The following RPTOR variants were observed in gnomAD, a reference collection of about 807,000 sequenced individuals.
The protein encoded by RPTOR is regulatory-associated protein of mTOR.
A neutral mutation model predicts 169.9 loss-of-function variants in RPTOR; 21 were observed. The ratio of observed to expected loss-of-function variants is 0.12; its 90% confidence interval spans 0.09 to 0.18. RPTOR has a LOEUF of 0.18. Among genes scored for constraint, RPTOR ranks in the 10% least tolerant of loss-of-function variants. RPTOR has a pLI of 1.00. For missense variants in RPTOR, 1,133 were observed against 1,855.9 expected (o/e 0.61, Z 7.16); for synonymous variants, 732 against 753.2 (o/e 0.97, Z 0.46).
intron 7 of RPTOR, among the ~76,000 whole-genome samples, chr17:80,806,466 G>A (rs978583252): frequency 2.0e-5 from 3 of 152,146 alleles, no homozygotes; most frequent in South Asian, 2.1e-4. Flanking sequence ...GACAGGGTAC[G>A]AACCTGTGAA....
At chr17:80,735,048 T>C (rs1002625104) in intron 5 of RPTOR, among the ~76,000 whole-genome samples, 5 of 152,130 alleles carry the variant, frequency 3.3e-5, no homozygotes, top group African/African-American at 1.2e-4. Context: ...CCTGTGGATA[T>C]TGAGGGATGA....
chr17:80,902,576 G>T (rs550405477), intron 20 of RPTOR, among the ~76,000 whole-genome samples: 1 of 152,318 alleles, frequency 6.6e-6, no homozygotes, highest in East Asian at 1.9e-4. Context: ...CACCTGTCCC[G>T]GCCCCCAGCC....
In RPTOR at chr17:80,942,814, G is replaced by A. The variant is rs970474967; in HGVS notation, c.3025+2213G>A. 3.9e-5 allele frequency among the ~76,000 whole-genome samples: 6 copies of A among 152,230 alleles called. No individual in the cohort carries two copies. In the East Asian group the frequency reaches 5.8e-4, roughly 15 times the overall value. The stretch of plus-strand genomic sequence containing the variant: ...CAGCCTTCTCCTGGGCAACATTCAC[G>A]ACCTTGGCTGTCACGCACTGATTTT... On this transcript the variant is annotated intron_variant, in intron 25 of 33. Coordinates refer to ENST00000306801, the MANE Select transcript of RPTOR (RefSeq NM_020761.3).
At chr17:80,807,647 C>T (rs541748634) in intron 7 of RPTOR, among the ~76,000 whole-genome samples, 59 of 152,220 alleles carry the variant, frequency 3.9e-4, no homozygotes, top group African/African-American at 1.3e-3. Context: ...CCACTGTGCC[C>T]GGCCAAGCCC....
chr17:80,674,910 A>C lies in RPTOR; in HGVS notation c.348+31100A>C, dbSNP rs541311662. 3.9e-5 allele frequency among the ~76,000 whole-genome samples: 6 copies of C among 152,258 alleles called. No homozygotes were observed. The South Asian group carries it at 1.0e-3, about 26-fold the overall frequency. ...CATCTTGGGATATGATCAAATATAC[A>C]CTAAGAATATGGAAATGAATCGTCC... is the stretch of plus-strand genomic sequence containing the variant. On this transcript the variant is annotated intron_variant, in intron 3 of 33. Coordinates refer to ENST00000306801, the MANE Select transcript of RPTOR (RefSeq NM_020761.3).
chr17:80,777,688 GA>G (rs1359336161), intron 6 of RPTOR, among the ~76,000 whole-genome samples: 1 of 152,210 alleles, frequency 6.6e-6, no homozygotes, highest in Non-Finnish European at 1.5e-5. Context: ...CCAAGGTTAT[GA>G]AGTTTGACGC....
intron 3 of RPTOR, among the ~76,000 whole-genome samples, chr17:80,676,982 T>C (rs1168781421): frequency 6.6e-6 from 1 of 152,082 alleles, no homozygotes; most frequent in Non-Finnish European, 1.5e-5. Flanking sequence ...AACCCAAACA[T>C]ATAGAAAGGT....
chr17:80,560,300 G>A (rs774119475), intron 1 of RPTOR, among the ~76,000 whole-genome samples: 1 of 152,216 alleles, frequency 6.6e-6, no homozygotes, highest in African/African-American at 2.4e-5. Context: ...GCGGGAGCAG[G>A]GCGGAGGATG....
intron 11 of RPTOR, 119 bp from the exon 12 acceptor site, chr17:80,855,345 C>G: frequency 1.4e-6 from 1 of 716,646 alleles, no homozygotes; most frequent in Admixed American, 2.2e-5. Flanking sequence ...GTAACTGAAG[C>G]AGCAGACAGA....
At chr17:80,961,005 TC>T in intron 30 of RPTOR, 1 of 226,182 alleles carries the variant, frequency 4.4e-6, no homozygotes, top group Non-Finnish European at 8.7e-6. Context: ...TTCCTGACCC[TC>T]CAGTCTGCAC....
rs139162593 is a variant in RPTOR, at chr17:80,729,863, G to A, written c.508-697G>A. ...GTGGGTCCATGGAGGGAGGCCCCGC[G>A]GCGGGAACTGAGGCAGCCATGGGGT... On this transcript the variant is annotated intron_variant, in intron 4 of 33. Coordinates refer to ENST00000306801, the MANE Select transcript of RPTOR (RefSeq NM_020761.3). 3.9e-3 allele frequency among the ~76,000 whole-genome samples: 595 copies of A among 152,166 alleles called. 6 individuals carry two copies. Among genetic ancestry groups the A allele is most frequent in the African/African-American group, 0.014 (576 of 41,488 alleles).
In RPTOR at chr17:80,963,010, G is replaced by A; in HGVS notation, c.3892G>A (p.Gly1298Ser). The change falls in exon 33 of 34, where the codon GGC becomes AGC. Residue 1298 changes from glycine to serine, a missense_variant. Physicochemically the swap from Gly to Ser is moderately conservative, Grantham distance 56 (BLOSUM62 0). Transcript: ENST00000306801. ...NNIKYYDGFM[G>S]QRVGAISCLA... ...CATCAAGTACTACGACGGCTTCATG[G>A]GCCAGCGGGTCGGCGCCATCAGCTG... The A allele has an allele frequency of 6.2e-7, 1 of 1,612,454 alleles. No individual in the cohort carries two copies. The highest frequency in any genetic ancestry group is 8.5e-7 in the Non-Finnish European group (1 of 1,179,606).
At chr17:80,705,286 G>A (rs998039636) in intron 3 of RPTOR, among the ~76,000 whole-genome samples, 2 of 152,244 alleles carry the variant, frequency 1.3e-5, no homozygotes, top group Non-Finnish European at 2.9e-5. Flanking sequence ...GGTTCTGAGC[G>A]AGGAGACACT....
chr17:80,896,360 A>ACCCCACACG (rs1567974446), intron 20 of RPTOR, among the ~76,000 whole-genome samples: 1 of 145,652 alleles, frequency 6.9e-6, no homozygotes, highest in African/African-American at 2.6e-5. Flanking sequence ...CACCCCACAC[A>ACCCCACACG]GCCGCCCCGA....
At chr17:80,930,388 CAGCTCATT>C (rs2068875622) in intron 24 of RPTOR, among the ~76,000 whole-genome samples, 3 of 99,916 alleles carry the variant, frequency 3.0e-5, no homozygotes, top group Non-Finnish European at 4.3e-5. Flanking sequence ...CAGCTCAGCT[CAGCTCATT>C]CTCAGCTCAT....
intron 4 of RPTOR, among the ~76,000 whole-genome samples, chr17:80,725,075 A>G (rs1157651034): frequency 6.6e-6 from 1 of 152,218 alleles, no homozygotes; most frequent in East Asian, 1.9e-4. Context: ...CATTTAACTT[A>G]AGCCAAAACC....
At position 80,754,955 on chromosome 17, in the gene RPTOR, G is replaced by A. The variant is rs772687358; in HGVS notation, c.830+770G>A. On this transcript the variant is annotated intron_variant, in intron 6 of 33. Coordinates refer to ENST00000306801, the MANE Select transcript of RPTOR (RefSeq NM_020761.3). This position sits in a 1 kb window ranked among gnomAD's most constrained non-coding sequence, Gnocchi z 4.2. ...GGCCGAGGACACTCTTGAGGCTTCT[G>A]TCAAGATGGCCTAACACTCTAGACA... 3.9e-5 allele frequency among the ~76,000 whole-genome samples: 6 copies of A among 152,208 alleles called. No homozygotes were observed. The highest frequency in any genetic ancestry group is 5.9e-5 in the Non-Finnish European group (4 of 68,034).
At chr17:80,869,778 T>C (rs985859229) in intron 13 of RPTOR, among the ~76,000 whole-genome samples, 3 of 152,206 alleles carry the variant, frequency 2.0e-5, no homozygotes, top group Non-Finnish European at 2.9e-5. Context: ...CAAAGCGTCA[T>C]GCTATCTGCA....
intron 24 of RPTOR, among the ~76,000 whole-genome samples, chr17:80,926,565 T>C (rs1213376740): frequency 6.6e-6 from 1 of 152,134 alleles, no homozygotes; most frequent in Non-Finnish European, 1.5e-5. Flanking sequence ...CCACAGAGGG[T>C]GAATAGTTAA....
Sources: gnomAD v4.1 joint callset for allele counts (sites outside exome capture counted in the v4.1 genomes callset) on GRCh38, gnomAD v4.1.1 for gene constraint, Gnocchi (gnomAD v3.1) non-coding constraint, MANE v1.5 for transcripts, NCBI Gene and HGNC (gene_info 2026-07-23, HGNC 2026-07-21) for gene names.